Variants in SMIM36 observed in about 807,000 individuals in gnomAD.
SMIM36 encodes small integral membrane protein 36.
intron 1 of SMIM36, among the ~76,000 whole-genome samples, chr17:55,493,690 G>T (rs1909753799): frequency 1.3e-5 from 2 of 151,572 alleles, no homozygotes; most frequent in Admixed American, 1.3e-4. Context: ...CACACCTGTA[G>T]CCCCAGCTAC....
intron 1 of SMIM36, among the ~76,000 whole-genome samples, chr17:55,496,102 T>A (rs2144712506): frequency 6.6e-6 from 1 of 152,326 alleles, no homozygotes; most frequent in African/African-American, 2.4e-5. Context: ...TATAAGAATG[T>A]CTTTATCAAT....
the SMIM36 span, among the ~76,000 whole-genome samples, chr17:55,520,451 C>T: frequency 6.6e-6 from 1 of 152,058 alleles, no homozygotes; most frequent in Non-Finnish European, 1.5e-5. Context: ...TTGGCATATC[C>T]GAATTGCTGG....
At chr17:55,461,312 A>G (rs1909145151) in intron 4 of SMIM36, among the ~76,000 whole-genome samples, 1 of 152,236 alleles carries the variant, frequency 6.6e-6, no homozygotes, top group Non-Finnish European at 1.5e-5. Flanking sequence ...TCCTTGCTAA[A>G]AAGAAATGAT....
intron 4 of SMIM36, among the ~76,000 whole-genome samples, chr17:55,461,377 A>G (rs1487080598): frequency 2.0e-5 from 3 of 152,236 alleles, no homozygotes; most frequent in African/African-American, 7.2e-5. Flanking sequence ...TGGAAAAGCC[A>G]TACTCAACAG....
At chr17:55,453,062 C>T (rs762462015) in intron 4 of SMIM36, among the ~76,000 whole-genome samples, 8 of 152,162 alleles carry the variant, frequency 5.3e-5, no homozygotes, top group Non-Finnish European at 1.0e-4. Context: ...ATAATCCCAG[C>T]ACTTAGGGAG....
chr17:55,464,653 GTTC>G (rs1246510621), intron 4 of SMIM36, among the ~76,000 whole-genome samples: 2 of 152,184 alleles, frequency 1.3e-5, no homozygotes, highest in Non-Finnish European at 2.9e-5. Context: ...CATCTGATCT[GTTC>G]TTCTGTTCAG....
At chr17:55,457,590 G>A (rs560856917) in intron 4 of SMIM36, among the ~76,000 whole-genome samples, 130 of 151,426 alleles carry the variant, frequency 8.6e-4, no homozygotes, top group African/African-American at 3.1e-3. Context: ...GCAATGGTGC[G>A]ATCTTGGCTC....
intron 1 of SMIM36, among the ~76,000 whole-genome samples, chr17:55,492,249 T>C (rs796694240): frequency 2.5e-4 from 35 of 140,604 alleles, no homozygotes; most frequent in African/African-American, 7.8e-4. Flanking sequence ...TTTCTTTTTT[T>C]TTTTTTTTTT....
chr17:55,508,550 A>G (rs1910124628), intron 1 of SMIM36, among the ~76,000 whole-genome samples: 1 of 149,804 alleles, frequency 6.7e-6, no homozygotes, highest in Admixed American at 6.7e-5. Context: ...ATAAGTATAT[A>G]ATATATAAAG....
At chr17:55,497,830 T>C (rs145974510) in intron 1 of SMIM36, among the ~76,000 whole-genome samples, 67 of 152,342 alleles carry the variant, frequency 4.4e-4, no homozygotes, top group African/African-American at 1.5e-3. Flanking sequence ...CTCAGCATAA[T>C]GTCACATCCA....
At chr17:55,454,882 AT>A (rs933471137) in intron 4 of SMIM36, among the ~76,000 whole-genome samples, 6 of 152,006 alleles carry the variant, frequency 3.9e-5, no homozygotes, top group African/African-American at 1.2e-4. Context: ...TAATGACCAT[AT>A]TTTTTTTCAT....
At chr17:55,524,348 G>T in the SMIM36 span, among the ~76,000 whole-genome samples, 1 of 152,050 alleles carries the variant, frequency 6.6e-6, no homozygotes, top group Non-Finnish European at 1.5e-5. Flanking sequence ...GTGATTCCAC[G>T]TCTTTGCTAT....
chr17:55,488,016 G>C (rs1041441796), intron 1 of SMIM36, among the ~76,000 whole-genome samples: 23 of 152,224 alleles, frequency 1.5e-4, no homozygotes, highest in African/African-American at 5.5e-4. Flanking sequence ...TGAGTAGCCT[G>C]TCTTTGTCTC....
chr17:55,498,947 C>T (rs1296787538), intron 1 of SMIM36, among the ~76,000 whole-genome samples: 3 of 135,616 alleles, frequency 2.2e-5, no homozygotes, highest in African/African-American at 5.8e-5. Flanking sequence ...TGCAGTGAGC[C>T]GAGATCTGGC....
At chr17:55,523,422 T>C in the SMIM36 span, among the ~76,000 whole-genome samples, 3 of 150,670 alleles carry the variant, frequency 2.0e-5, no homozygotes, top group Non-Finnish European at 2.9e-5. Flanking sequence ...CCCAGCTACT[T>C]GGGAGGCTGA....
intron 1 of SMIM36, among the ~76,000 whole-genome samples, chr17:55,495,827 G>GT (rs1909797707): frequency 6.6e-6 from 1 of 151,992 alleles, no homozygotes; most frequent in Admixed American, 6.6e-5. Flanking sequence ...CCAATAATGG[G>GT]TAAAAAAGAG....
chr17:55,476,496 C>T (rs2143268343), intron 3 of SMIM36, among the ~76,000 whole-genome samples: 2 of 152,294 alleles, frequency 1.3e-5, no homozygotes, highest in South Asian at 4.1e-4. Context: ...GGTCTCTTTA[C>T]ACGGACACGC....
At chr17:55,492,860 A>G (rs1351138859) in intron 1 of SMIM36, among the ~76,000 whole-genome samples, 1 of 152,168 alleles carries the variant, frequency 6.6e-6, no homozygotes, top group African/African-American at 2.4e-5. Context: ...TTTGGGGACA[A>G]TAAGTTTGTT....
At chr17:55,529,433 G>A in the SMIM36 span, among the ~76,000 whole-genome samples, 1 of 152,066 alleles carries the variant, frequency 6.6e-6, no homozygotes, top group Non-Finnish European at 1.5e-5. Context: ...GAACAGCCTG[G>A]GTGACATGGT....
Sources: allele counts gnomAD v4.1 joint callset (sites outside exome capture counted in the v4.1 genomes callset), GRCh38; gene constraint gnomAD v4.1.1; transcripts MANE v1.5; gene names NCBI Gene and HGNC (gene_info 2026-07-23, HGNC 2026-07-21).